Variants in NAALADL2 observed in about 807,000 individuals in gnomAD.
NAALADL2 encodes N-acetylated alpha-linked acidic dipeptidase like 2.
In NAALADL2, 76 loss-of-function variants were observed where a neutral mutation model predicts 87.2. The ratio of observed to expected loss-of-function variants is 0.87; its 90% CI spans 0.72 to 1.05. The LOEUF is 1.05. Ranked by LOEUF, NAALADL2 falls within the 50% of genes least tolerant of loss-of-function variation. NAALADL2 has a pLI of 0.00. For synonymous variants in NAALADL2, 354 were observed against 331.0 expected, an observed-to-expected ratio of 1.07 and a Z score of -0.75; for missense variants, 1,089 against 945.8, an observed-to-expected ratio of 1.15 and a Z score of -1.99.
At chr3:175,528,668 T>C (rs1733728609) in intron 9 of NAALADL2, among the ~76,000 whole-genome samples, 1 of 152,200 alleles carries the variant, frequency 6.6e-6, no homozygotes. Flanking sequence ...TAATTATGCC[T>C]AACATAATAC....
intron 2 of NAALADL2, among the ~76,000 whole-genome samples, chr3:174,705,154 T>A (rs571446812): frequency 9.2e-5 from 14 of 152,040 alleles, no homozygotes; most frequent in African/African-American, 3.1e-4. Context: ...CAGGGCACAC[T>A]CACACACACA....
At chr3:174,989,884 G>T (rs1362220763) in intron 1 of NAALADL2, among the ~76,000 whole-genome samples, 1 of 152,116 alleles carries the variant, frequency 6.6e-6, no homozygotes, top group Non-Finnish European at 1.5e-5. Context: ...ATAGTAAGGA[G>T]ATAGTACTTT....
chr3:174,605,985 G>A (rs1338758260), intron 2 of NAALADL2, among the ~76,000 whole-genome samples: 3 of 152,158 alleles, frequency 2.0e-5, no homozygotes, highest in Admixed American at 6.5e-5. Context: ...CCAGAGGAAC[G>A]ATCAGACAGC....
intron 5 of NAALADL2, among the ~76,000 whole-genome samples, chr3:175,384,918 C>T (rs1261136478): frequency 6.6e-6 from 1 of 151,408 alleles, no homozygotes; most frequent in Non-Finnish European, 1.5e-5. Flanking sequence ...TTTCACCATG[C>T]AGAAAAAAGT....
At chr3:175,691,178 C>G (rs1041967689) in intron 11 of NAALADL2, among the ~76,000 whole-genome samples, 1 of 150,158 alleles carries the variant, frequency 6.7e-6, no homozygotes, top group Non-Finnish European at 1.5e-5. Flanking sequence ...GAGACAGAAA[C>G]TTTATATATA....
chr3:175,674,132 A>C (rs1734390328), intron 11 of NAALADL2, among the ~76,000 whole-genome samples: 1 of 152,068 alleles, frequency 6.6e-6, no homozygotes, highest in South Asian at 2.1e-4. Context: ...CATACTCACT[A>C]CATCCTCCTC....
chr3:174,599,444 T>A (rs1478871447), intron 2 of NAALADL2, among the ~76,000 whole-genome samples: 2 of 152,052 alleles, frequency 1.3e-5, no homozygotes, highest in African/African-American at 4.8e-5. Context: ...ACAAAAGACA[T>A]AAATATGGGA....
chr3:175,428,199 T>A (rs571818539), intron 5 of NAALADL2, among the ~76,000 whole-genome samples: 25 of 152,120 alleles, frequency 1.6e-4, no homozygotes, highest in Admixed American at 5.9e-4. Flanking sequence ...GCATACAGCT[T>A]GACTTCTGTA....
chr3:174,646,485 T>A (rs1001725647), intron 2 of NAALADL2, among the ~76,000 whole-genome samples: 1 of 152,156 alleles, frequency 6.6e-6, no homozygotes, highest in African/African-American at 2.4e-5. Flanking sequence ...ATATTTTATA[T>A]GTGAACATAT....
chr3:175,386,092 C>T (rs12630346), intron 5 of NAALADL2, among the ~76,000 whole-genome samples: 6 of 151,710 alleles, frequency 4.0e-5, no homozygotes, highest in Non-Finnish European at 5.9e-5. Context: ...ATCTGGGAGG[C>T]GATTCTTGAC....
chr3:175,642,129 A>C (rs986948910), intron 11 of NAALADL2, among the ~76,000 whole-genome samples: 1 of 152,138 alleles, frequency 6.6e-6, no homozygotes, highest in East Asian at 1.9e-4. Context: ...AGGGATAACT[A>C]TGTGTTTAGT....
chr3:175,296,722 G>A (rs112021597), intron 4 of NAALADL2, among the ~76,000 whole-genome samples: 4 of 152,026 alleles, frequency 2.6e-5, no homozygotes, highest in Admixed American at 6.6e-5. Flanking sequence ...ATATGCTCAC[G>A]GTAAAATTGC....
At chr3:174,935,833 C>T in intron 1 of NAALADL2, among the ~76,000 whole-genome samples, 1 of 151,964 alleles carries the variant, frequency 6.6e-6, no homozygotes, top group Non-Finnish European at 1.5e-5. Context: ...ATATTTTTTG[C>T]TAGACTATAA....
At chr3:174,750,178 C>T (rs1230834172) in intron 3 of NAALADL2, among the ~76,000 whole-genome samples, 1 of 152,118 alleles carries the variant, frequency 6.6e-6, no homozygotes, top group East Asian at 1.9e-4. Context: ...TCCCACTTGG[C>T]AATAATCACT....
chr3:174,487,282 A>G (rs939418401), intron 1 of NAALADL2, among the ~76,000 whole-genome samples: 2 of 152,058 alleles, frequency 1.3e-5, no homozygotes, highest in Non-Finnish European at 2.9e-5. Context: ...GATGGATCAT[A>G]TGTCATTTGC....
intron 11 of NAALADL2, among the ~76,000 whole-genome samples, chr3:175,649,541 G>A (rs1730463993): frequency 6.6e-6 from 1 of 152,140 alleles, no homozygotes; most frequent in Non-Finnish European, 1.5e-5. Context: ...AGTTCAAGGT[G>A]CCAGGAGGGT....
intron 2 of NAALADL2, among the ~76,000 whole-genome samples, chr3:175,121,542 C>T (rs1444430791): frequency 6.6e-6 from 1 of 151,778 alleles, no homozygotes; most frequent in East Asian, 1.9e-4. Context: ...GGAACACCCC[C>T]TTTTATGAAG....
intron 1 of NAALADL2, among the ~76,000 whole-genome samples, chr3:174,963,181 T>C (rs1462692819): frequency 6.6e-6 from 1 of 152,118 alleles, no homozygotes; most frequent in African/African-American, 2.4e-5. Flanking sequence ...GAATCACTGA[T>C]ACTGAACAAA....
chr3:175,133,588 G>A (rs1005728378), intron 2 of NAALADL2, among the ~76,000 whole-genome samples: 6 of 152,264 alleles, frequency 3.9e-5, no homozygotes, highest in East Asian at 1.9e-4. Flanking sequence ...CAGGCGTGGC[G>A]GCGCGCGCCT....
Sources: allele counts gnomAD v4.1 joint callset (sites outside exome capture counted in the v4.1 genomes callset), GRCh38; gene constraint gnomAD v4.1.1; transcripts MANE v1.5; gene names NCBI Gene and HGNC (gene_info 2026-07-23, HGNC 2026-07-21).